MYO7A: variants seen among roughly 807,000 people sequenced by gnomAD.
MYO7A encodes myosin VIIA.
In MYO7A, 210 loss-of-function variants were observed where a neutral mutation model predicts 263.8. The observed-to-expected ratio is 0.80, with a 90% CI of 0.71 to 0.89. MYO7A has a LOEUF of 0.89. Among genes scored for constraint, MYO7A ranks in the 40% least tolerant of loss-of-function variants. The probability of loss-of-function intolerance (pLI) is 0.00; values close to 1 mark genes in which losing one functional copy is unlikely to be tolerated. For synonymous variants in MYO7A, 1,239 were observed against 1,197.3 expected (o/e 1.03, Z -0.72); for missense variants, 2,820 against 2,968.3 (o/e 0.95, Z 1.16).
intron 4 of MYO7A, 54 bp downstream of exon 4, chr11:77,148,004 C>T: frequency 7.0e-7 from 1 of 1,425,408 alleles, no homozygotes; most frequent in Non-Finnish European, 9.3e-7. Flanking sequence ...CCCGCCCCGC[C>T]CACCTCGCCC....
intron 27 of MYO7A, chr11:77,185,103 A>G (rs1366196639): frequency 1.1e-5 from 4 of 369,036 alleles, no homozygotes; most frequent in Non-Finnish European, 2.1e-5. Context: ...ATTAGAAATT[A>G]ATGCCAAAAA....
rs1955037414 is a variant in MYO7A, at chr11:77,179,971, T to C, written c.2586+18T>C. 2 of 1,512,820 alleles carry C rather than the reference T, an allele frequency of 1.3e-6. No homozygotes were observed. Among genetic ancestry groups the C allele is most frequent in the Admixed American group, 2.0e-5 (1 of 50,392 alleles). The allele number at this position is 1,512,820 out of a possible 1,614,324, so 93.7% of individuals were successfully genotyped here. A position where few individuals can be genotyped will look rare whatever the true frequency, so the allele number is the denominator to read the frequency against. ...GGGCTGAGGTGAGGGAGCAAGTCCA[T>C]AGCACCCACAGCTCTGACCCCTGGG... is the stretch of plus-strand genomic sequence containing the variant. On this transcript the variant is annotated intron_variant, in intron 21 of 48. Transcript: ENST00000409709.
At chr11:77,166,473 G>A (rs994637543) in intron 15 of MYO7A, among the ~76,000 whole-genome samples, 2 of 152,218 alleles carry the variant, frequency 1.3e-5, no homozygotes, top group South Asian at 2.1e-4. Flanking sequence ...CTGCTAAAGA[G>A]AGCATGGGCA....
chr11:77,136,051 C>T lies in MYO7A; in HGVS notation c.18+5399C>T, dbSNP rs570724999. 3.2e-4 allele frequency among the ~76,000 whole-genome samples: 49 copies of T among 152,306 alleles called. No individual in the cohort carries two copies. The South Asian group carries it at 6.8e-3, about 21-fold the overall frequency. Reference sequence around the variant, plus strand: ...TTGTTGTTGTTCAATGTCTTTTAATCTTTAGCATTTCTTATAGGGCAGGTC... The same window carrying T: ...TTGTTGTTGTTCAATGTCTTTTAATTTTTAGCATTTCTTATAGGGCAGGTC... On this transcript the variant is annotated intron_variant, in intron 2 of 48. Coordinates refer to ENST00000409709, the MANE Select transcript of MYO7A (RefSeq NM_000260.4).
At chr11:77,198,388 A>G in intron 33 of MYO7A, 107 bp from the exon 34 acceptor site, 1 of 1,429,816 alleles carries the variant, frequency 7.0e-7, no homozygotes, top group South Asian at 1.4e-5. Context: ...TTCCATATCT[A>G]TAAAATAGAA....
At chr11:77,208,932 G>C in intron 44 of MYO7A, 129 bp downstream of exon 44, 1 of 728,612 alleles carries the variant, frequency 1.4e-6, no homozygotes, top group East Asian at 2.7e-5. Flanking sequence ...AGGGATTCCT[G>C]CCAAGACCAC....
intron 46 of MYO7A, chr11:77,212,584 T>C: frequency 2.8e-6 from 1 of 358,206 alleles, no homozygotes. Flanking sequence ...GAGGCTGGTG[T>C]GAGAGGATAC....
In MYO7A at chr11:77,138,301, C is replaced by G. The variant is rs1950992726; in HGVS notation, c.19-4408C>G. Reference sequence around the variant, plus strand: ...GCCGGAGCAGTGCCGCCGTCGCCGTCGCAGCGCCATGGAGGACCCCGCCGA... The same window carrying G: ...GCCGGAGCAGTGCCGCCGTCGCCGTGGCAGCGCCATGGAGGACCCCGCCGA... On this transcript the variant is annotated intron_variant, in intron 2 of 48. Coordinates refer to ENST00000409709, the MANE Select transcript of MYO7A (RefSeq NM_000260.4). This position sits in a 1 kb window ranked among gnomAD's most constrained non-coding sequence, Gnocchi z 4.9. Among the ~76,000 whole-genome samples, 1 of 151,030 alleles carries G rather than the reference C, an allele frequency of 6.6e-6. No individual in the cohort carries two copies. The highest frequency in any genetic ancestry group is 6.6e-5 in the Admixed American group (1 of 15,260).
intron 11 of MYO7A, among the ~76,000 whole-genome samples, chr11:77,160,768 C>A (rs567506524): frequency 1.3e-5 from 2 of 152,222 alleles, no homozygotes; most frequent in South Asian, 2.1e-4. Context: ...GTTATCTCAA[C>A]AGAGCCTTGA....
chr11:77,210,895 T>G, intron 44 of MYO7A: 1 of 448,366 alleles, frequency 2.2e-6, no homozygotes, highest in Non-Finnish European at 4.0e-6. Flanking sequence ...CACTGGACTG[T>G]TATGGGGGGA....
chr11:77,153,986 A>G (rs1345682061), intron 4 of MYO7A, among the ~76,000 whole-genome samples: 1 of 152,194 alleles, frequency 6.6e-6, no homozygotes, highest in African/African-American at 2.4e-5. Context: ...ATGGTGGCAC[A>G]TGCCTAGAAC....
chr11:77,191,577 C>T (rs1156871986), intron 30 of MYO7A, among the ~76,000 whole-genome samples: 1 of 152,200 alleles, frequency 6.6e-6, no homozygotes, highest in African/African-American at 2.4e-5. Context: ...TGCCCTGAAG[C>T]AGCTGGAGTG....
chr11:77,202,464 G>T, intron 37 of MYO7A, 40 bp downstream of exon 37: 1 of 1,540,788 alleles, frequency 6.5e-7, no homozygotes. Flanking sequence ...ACAGGGCTAG[G>T]AGCTGCAGGC....
chr11:77,172,606 G>C (rs1954201266), intron 15 of MYO7A, 142 bp from the exon 16 acceptor site: 3 of 1,108,870 alleles, frequency 2.7e-6, no homozygotes, highest in Non-Finnish European at 3.8e-6. Context: ...GGGAGAGGCA[G>C]TTTGCAGGAA....
chr11:77,181,036 A>G (rs1436275207), intron 22 of MYO7A, among the ~76,000 whole-genome samples: 1 of 152,258 alleles, frequency 6.6e-6, no homozygotes, highest in Non-Finnish European at 1.5e-5. Flanking sequence ...AAACGTGGCT[A>G]CTATATGGGT....
intron 19 of MYO7A, among the ~76,000 whole-genome samples, chr11:77,177,886 C>T (rs530278586): frequency 6.6e-6 from 1 of 152,228 alleles, no homozygotes; most frequent in East Asian, 1.9e-4. Flanking sequence ...CCTACATATG[C>T]ACATGCACAC....
In MYO7A at chr11:77,211,261, C is replaced by A; in HGVS notation, c.6161C>A (p.Pro2054His). ...VKFEEDKSYF[P>H]SIPKLLRELV... ...TTCGAGGAGGACAAGTCCTACTTCC[C>A]CAGCATCCCCAAGCTGCTGCGGGAG... is the stretch of plus-strand genomic sequence containing the variant. Residue 2054 changes from proline to histidine, a missense_variant, in exon 45 of 49, where the codon CCC becomes CAC. Physicochemically the swap from Pro to His is moderately conservative, Grantham distance 77. Transcript: ENST00000409709. 1 of 1,580,650 alleles carries A rather than the reference C, an allele frequency of 6.3e-7. No homozygotes were observed. Among genetic ancestry groups the A allele is most frequent in the Non-Finnish European group, 8.6e-7 (1 of 1,163,432 alleles).
At chr11:77,213,752 C>T (rs776264457) in intron 47 of MYO7A, 108 bp from the exon 48 acceptor site, 129 of 1,508,950 alleles carry the variant, frequency 8.5e-5, no homozygotes, top group African/African-American at 3.2e-4. Context: ...CTTTTCCCTC[C>T]GGCCATGGGC....
At chr11:77,157,751 G>A (rs1365395806) in intron 8 of MYO7A, among the ~76,000 whole-genome samples, 1 of 152,192 alleles carries the variant, frequency 6.6e-6, no homozygotes, top group Non-Finnish European at 1.5e-5. Context: ...TGTGTTGTAG[G>A]TGTGACAGGT....
Sources: gnomAD v4.1 joint callset for allele counts (sites outside exome capture counted in the v4.1 genomes callset) on GRCh38, gnomAD v4.1.1 for gene constraint, Gnocchi (gnomAD v3.1) non-coding constraint, MANE v1.5 for transcripts, NCBI Gene and HGNC (gene_info 2026-07-23, HGNC 2026-07-21) for gene names.